The following CCZ1 variants were observed in gnomAD, a reference collection of about 807,000 sequenced individuals.
CCZ1 encodes the protein vacuolar fusion protein CCZ1 homolog.
In CCZ1, 19 loss-of-function variants were observed where a neutral mutation model predicts 57.8. That is an observed-to-expected ratio of 0.33 (90% CI 0.23 to 0.48). The LOEUF is 0.48. Among genes scored for constraint, CCZ1 ranks in the 20% least tolerant of loss-of-function variants. CCZ1 has a pLI of 0.99. For synonymous variants in CCZ1, 81 were observed against 167.0 expected (o/e 0.49, Z 3.97); for missense variants, 200 against 492.0 (o/e 0.41, Z 5.61).
At position 5,924,167 on chromosome 7, in the gene CCZ1, G is replaced by A. The variant is rs527777996; in HGVS notation, c.1393+205G>A. 2.6e-4 allele frequency among the ~76,000 whole-genome samples: 17 copies of A among 65,772 alleles called. 2 individuals carry two copies. In the East Asian group the frequency reaches 4.5e-3, roughly 17 times the overall value. The allele number at this position is 65,772 out of a possible 152,430, so 43.1% of individuals were successfully genotyped here. A position where few individuals can be genotyped will look rare whatever the true frequency, so the allele number is the denominator to read the frequency against. On this transcript the variant is annotated intron_variant, in intron 14 of 14. Transcript: ENST00000325974. ...TAGCACAGGAAACTTGGCAATGGCAGAAAGAAAATTATTTTCTACAATTCT... is the reference window on the plus strand; with the variant it reads ...TAGCACAGGAAACTTGGCAATGGCAAAAAGAAAATTATTTTCTACAATTCT...
chr7:5,920,340 G>A (rs71531343), intron 12 of CCZ1, among the ~76,000 whole-genome samples: 10,756 of 105,340 alleles, frequency 0.1, 187 homozygotes, highest in East Asian at 0.33. Flanking sequence ...GGGGAAACTG[G>A]CTGGGATGTG....
intron 3 of CCZ1, 99 bp downstream of exon 3, chr7:5,900,665 C>G (rs1161235363): frequency 8.1e-7 from 1 of 1,235,528 alleles, no homozygotes; most frequent in African/African-American, 1.6e-5. Context: ...CTGTTGCATC[C>G]AAGTAAAATT....
chr7:5,902,599 T>G lies in CCZ1; in HGVS notation c.439-62T>G. Reference sequence around the variant, plus strand: ...TAATCTAAAGGAAAAAAAGAACTTGTTATACTGAAAAAGTGAGCATAGGAA... The same window carrying G: ...TAATCTAAAGGAAAAAAAGAACTTGGTATACTGAAAAAGTGAGCATAGGAA... On this transcript the variant is annotated intron_variant, in intron 5 of 14. Transcript: ENST00000325974. 2.6e-6 allele frequency: 4 copies of G among 1,523,698 alleles called. 1 individual carries two copies. Among genetic ancestry groups the G allele is most frequent in the Non-Finnish European group, 3.5e-6 (4 of 1,149,410 alleles). 94.4% of individuals were successfully genotyped at this position (1,523,698 alleles called of 1,614,324 possible). A position where few individuals can be genotyped will look rare whatever the true frequency, so the allele number is the denominator to read the frequency against.
At position 5,910,389 on chromosome 7, in the gene CCZ1, C is replaced by T. The variant is rs576408270; in HGVS notation, c.780+273C>T. The stretch of plus-strand genomic sequence containing the variant: ...GTTTTTGTTTGTTTGGTTTTTGAGA[C>T]GGAGTCTCGAACTTTCGCCTGGGAT... On this transcript the variant is annotated intron_variant, in intron 8 of 14. Transcript: ENST00000325974. 1.9e-4 allele frequency among the ~76,000 whole-genome samples: 28 copies of T among 149,526 alleles called. 2 individuals carry two copies. Among genetic ancestry groups the T allele is most frequent in the African/African-American group, 6.7e-4 (27 of 40,524 alleles).
At chr7:5,901,518 T>C in intron 4 of CCZ1, 139 bp from the exon 5 acceptor site, 5 of 1,347,908 alleles carry the variant, frequency 3.7e-6, no homozygotes, top group Non-Finnish European at 4.8e-6. Context: ...AACACTTTTT[T>C]TTCAGCACGC....
intron 11 of CCZ1, 90 bp from the exon 12 acceptor site, chr7:5,919,759 C>T (rs1475749844): frequency 3.1e-6 from 5 of 1,589,550 alleles, no homozygotes; most frequent in Non-Finnish European, 4.3e-6. Context: ...GTTTGTTTTC[C>T]CAGACCAGTG....
In CCZ1 at chr7:5,910,000, C is replaced by G. The variant is rs149412772; in HGVS notation, c.699-35C>G. On this transcript the variant is annotated intron_variant, in intron 7 of 14. Transcript: ENST00000325974. ...GCAGTGGAAAGACAGAAGACAGTTC[C>G]AAACGTTTAACCCAGTGCTTTTCTG... 1.7e-3 allele frequency: 2,771 copies of G among 1,586,300 alleles called. 37 individuals are homozygous for G. The African/African-American group carries it at 0.024, about 14-fold the overall frequency.
In CCZ1 at chr7:5,902,533, C is replaced by T. The variant is rs994913742; in HGVS notation, c.439-128C>T. The stretch of plus-strand genomic sequence containing the variant: ...ACTCAAGTTTTCTCATGTAAATATT[C>T]TCTGTTGGAAAGAACTGGGAGATTT... On this transcript the variant is annotated intron_variant, in intron 5 of 14. Coordinates refer to ENST00000325974, the MANE Select transcript of CCZ1 (RefSeq NM_015622.6). 13 of 1,356,740 alleles carry T rather than the reference C, an allele frequency of 9.6e-6. 1 individual carries two copies. In the African/African-American group the frequency reaches 1.9e-4, roughly 19 times the overall value. The allele number at this position is 1,356,740 out of a possible 1,614,324, so 84.0% of individuals were successfully genotyped here.
At chr7:5,915,324 T>G (rs62453614) in intron 10 of CCZ1, among the ~76,000 whole-genome samples, 25,539 of 122,124 alleles carry the variant, frequency 0.21, 229 homozygotes, top group South Asian at 0.35. Context: ...GTAGGAAGAA[T>G]GTCCGTTTGT....
intron 9 of CCZ1, 63 bp downstream of exon 9, chr7:5,911,985 GCT>G (rs1488152969): frequency 6.4e-7 from 1 of 1,550,800 alleles, no homozygotes; most frequent in East Asian, 2.3e-5. Flanking sequence ...TCAGAGTCTG[GCT>G]CTGTTACCCA....
intron 10 of CCZ1, among the ~76,000 whole-genome samples, chr7:5,916,697 G>A (rs889029383): frequency 6.8e-6 from 1 of 147,804 alleles, no homozygotes; most frequent in African/African-American, 2.6e-5. Flanking sequence ...AGATTTGATT[G>A]GGGGTTGGCC....
chr7:5,908,207 A>G (rs575214694), intron 7 of CCZ1, among the ~76,000 whole-genome samples: 4 of 143,264 alleles, frequency 2.8e-5, no homozygotes, highest in Admixed American at 1.4e-4. Context: ...GCACATACCT[A>G]TAGTCCCAGC....
chr7:5,901,749 C>T (rs759590958), intron 5 of CCZ1, 45 bp downstream of exon 5: 3 of 1,593,304 alleles, frequency 1.9e-6, no homozygotes, highest in Non-Finnish European at 2.6e-6. Flanking sequence ...GCCACTTACC[C>T]CTATCTCTAG....
At chr7:5,912,377 CTTTTTTTTTTTTTTTTTT>C (rs4036238) in intron 9 of CCZ1, among the ~76,000 whole-genome samples, 9 of 54,702 alleles carry the variant, frequency 1.6e-4, no homozygotes, top group Admixed American at 3.1e-4. Flanking sequence ...TCAGCATACC[CTTTTTTTTTTTTTTTTTT>C]TTTTTTTTTT....
chr7:5,909,471 G>A (rs1164338037), intron 7 of CCZ1, among the ~76,000 whole-genome samples: 1 of 149,700 alleles, frequency 6.7e-6, no homozygotes, highest in East Asian at 2.0e-4. Flanking sequence ...GGAGGCTGAG[G>A]CGGGAGCACT....
intron 7 of CCZ1, among the ~76,000 whole-genome samples, chr7:5,906,384 G>A (rs1423162816): frequency 1.6e-4 from 23 of 142,990 alleles, no homozygotes; most frequent in African/African-American, 2.9e-4. Flanking sequence ...GTACAGTGGC[G>A]CGATCTTGGC....
intron 10 of CCZ1, among the ~76,000 whole-genome samples, chr7:5,916,498 G>GTTTTTTTTTTTTTTTTTTTT (rs764065119): frequency 1.8e-5 from 2 of 110,964 alleles, no homozygotes; most frequent in Admixed American, 9.0e-5. Flanking sequence ...TTTTTGTTTT[G>GTTTTTTTTTTTTTTTTTTTT]TTTTTTGTTT....
intron 8 of CCZ1, among the ~76,000 whole-genome samples, chr7:5,911,262 T>TA (rs113007942): frequency 2.0e-5 from 3 of 147,992 alleles, no homozygotes; most frequent in African/African-American, 5.0e-5. Flanking sequence ...GAGCTTAACA[T>TA]ACAAAAATCA....
rs760794164 is a variant in CCZ1, at chr7:5,911,898, C to A, written c.818C>A (p.Pro273Gln). ...GATTCTCCAATAAGAGCAGAAATGC[C>A]AGGAAATCTTCAACACTATGGAAGG... is the stretch of plus-strand genomic sequence containing the variant. ...GRDSPIRAEM[P>Q]GNLQHYGRFL... The change falls in exon 9 of 15, where the codon CCA (proline) becomes CAA (glutamine). Residue 273 changes from proline to glutamine, a missense_variant. Physicochemically the swap from Pro to Gln is moderately conservative, Grantham distance 76. Coordinates refer to ENST00000325974, the MANE Select transcript of CCZ1 (RefSeq NM_015622.6). 11 of 1,587,344 alleles carry A rather than the reference C, an allele frequency of 6.9e-6. No individual in the cohort carries two copies. The South Asian group carries it at 1.1e-4, about 16-fold the overall frequency.
Sources: gnomAD v4.1 joint callset for allele counts (sites outside exome capture counted in the v4.1 genomes callset) on GRCh38, gnomAD v4.1.1 for gene constraint, MANE v1.5 for transcripts, NCBI Gene and HGNC (gene_info 2026-07-23, HGNC 2026-07-21) for gene names.